The following ADAMTS10 variants were observed in gnomAD, a reference collection of about 807,000 sequenced individuals.
ADAMTS10 encodes A disintegrin and metalloproteinase with thrombospondin motifs 10.
In ADAMTS10, 48 loss-of-function variants were observed where a neutral mutation model predicts 135.9. The observed-to-expected ratio is 0.35, with a 90% confidence interval of 0.28 to 0.45. The LOEUF (loss-of-function observed/expected upper bound fraction) is 0.45. ADAMTS10 is among the 20% of genes least tolerant of loss of function. The probability of loss-of-function intolerance (pLI) is 1.00; values close to 1 mark genes in which losing one functional copy is unlikely to be tolerated. For missense variants in ADAMTS10, 1,131 were observed against 1,565.2 expected, an observed-to-expected ratio of 0.72 and a Z score of 4.68; for synonymous variants, 621 against 647.5, an observed-to-expected ratio of 0.96 and a Z score of 0.62.
At chr19:8,595,252 C>T (rs2042588549) in intron 12 of ADAMTS10, among the ~76,000 whole-genome samples, 2 of 152,076 alleles carry the variant, frequency 1.3e-5, no homozygotes, top group African/African-American at 2.4e-5. Context: ...TCTCTATGCA[C>T]GAATGGGGCT....
intron 16 of ADAMTS10, 49 bp from the exon 17 acceptor site, chr19:8,589,634 CT>C (rs782608811): frequency 1.6e-5 from 26 of 1,610,214 alleles, no homozygotes; most frequent in Non-Finnish European, 2.1e-5. Flanking sequence ...CCCCGGAACT[CT>C]TTGCTTGCTC....
In ADAMTS10 at chr19:8,596,631, A is replaced by G. The variant is rs782253942; in HGVS notation, c.1041-46T>C. The G allele has an allele frequency of 3.1e-6, 5 of 1,604,814 alleles. No homozygotes were observed. Among genetic ancestry groups the G allele is most frequent in the Non-Finnish European group, 4.3e-6 (5 of 1,175,244 alleles). On this transcript the variant is annotated intron_variant, in intron 8 of 25. Transcript: ENST00000597188. This position sits in a 1 kb window ranked among gnomAD's most constrained non-coding sequence, Gnocchi z 7.2. ...AGTGAGGGGGCTGGGCTGTCTCCCT[A>G]AGCCCTGCTGATGCCACCATGCCCA...
chr19:8,590,075 G>A, intron 15 of ADAMTS10, 84 bp from the exon 16 acceptor site: 2 of 976,798 alleles, frequency 2.0e-6, no homozygotes. Flanking sequence ...AAGATGGGCT[G>A]GAGGAGGGAG....
intron 25 of ADAMTS10, 51 bp from the exon 26 acceptor site, chr19:8,581,053 G>A (rs782548229): frequency 1.5e-6 from 2 of 1,361,760 alleles, no homozygotes; most frequent in Non-Finnish European, 1.0e-6. Context: ...TGCCCTCCCC[G>A]CAGGGCTGCA....
rs556237359 is a variant in ADAMTS10 at position 8,591,856 on chromosome 19, T to C, written c.1741A>G (p.Ile581Val). 2.5e-6 allele frequency: 4 copies of C among 1,613,500 alleles called. No individual in the cohort carries two copies. The South Asian group carries it at 4.4e-5, about 18-fold the overall frequency. ...TCACCCAGACAGTACTTGCCCCCGA[T>C]GGTTGGCCTGGAAAGGGTGGTGGGA... is the stretch of plus-strand genomic sequence containing the variant. ...SRHCDSPRPT[I>V]GGKYCLGERR... The change falls in exon 15 of 26, where the codon ATC becomes GTC. Residue 581 changes from isoleucine (I) to valine (V), a missense_variant. Ile to Val is a conservative substitution (Grantham distance 29). Around this residue, in one of 3 missense-constraint regions of ADAMTS10, gnomAD observed 745 missense variants for 1,056.3 expected, o/e 0.71. Coordinates refer to ENST00000597188, the MANE Select transcript of ADAMTS10 (RefSeq NM_030957.4).
In ADAMTS10 at chr19:8,580,656, G is replaced by T. The variant is rs2042331302; in HGVS notation, c.*237C>A. ...TCCCCTCCCCAGACCCACCCTGGAG[G>T]GGGGGTCTCACTATGTGAACTGGAA... On this transcript the variant is annotated 3_prime_UTR_variant, in exon 26 of 26. Coordinates refer to ENST00000597188, the MANE Select transcript of ADAMTS10 (RefSeq NM_030957.4). The T allele has an allele frequency of 5.8e-6, 3 of 520,608 alleles. No individual in the cohort carries two copies. The highest frequency in any genetic ancestry group is 2.0e-5 in the South Asian group (1 of 49,694). 32.2% of individuals were successfully genotyped at this position (520,608 alleles called of 1,614,324 possible).
chr19:8,593,234 T>G (rs1201741368), intron 12 of ADAMTS10: 8 of 283,640 alleles, frequency 2.8e-5, no homozygotes, highest in Non-Finnish European at 4.8e-5. Context: ...TCTAACGAAC[T>G]TTGCAATTCA....
At chr19:8,610,430 C>CACACAT (rs2042768554) in intron 1 of ADAMTS10, among the ~76,000 whole-genome samples, 4 of 151,204 alleles carry the variant, frequency 2.6e-5, no homozygotes, top group South Asian at 2.1e-4. Flanking sequence ...CGGACACACA[C>CACACAT]ACACACACAC....
intron 12 of ADAMTS10, among the ~76,000 whole-genome samples, chr19:8,595,427 T>C (rs1172928743): frequency 6.6e-6 from 1 of 152,174 alleles, no homozygotes; most frequent in Non-Finnish European, 1.5e-5. Context: ...AGTTAAAAAC[T>C]GCCCCGTGAG....
At position 8,601,281 on chromosome 19, in the gene ADAMTS10, T is replaced by C; in HGVS notation, c.593-136A>G. 2.1e-6 allele frequency: 2 copies of C among 965,024 alleles called. No individual in the cohort carries two copies. Among genetic ancestry groups the C allele is most frequent in the Non-Finnish European group, 3.2e-6 (2 of 629,776 alleles). The allele number at this position is 965,024 out of a possible 1,614,324, so 59.8% of individuals were successfully genotyped here. On this transcript the variant is annotated intron_variant, in intron 5 of 25. Coordinates refer to ENST00000597188, the MANE Select transcript of ADAMTS10 (RefSeq NM_030957.4). This position sits in a 1 kb window ranked among gnomAD's most constrained non-coding sequence, Gnocchi z 4.6. ...GACAGACAATTTCTGGTCATTCTGC[T>C]GCCTTCTCTTGTTGTCCAGCTACCT... is the stretch of plus-strand genomic sequence containing the variant.
At chr19:8,592,614 C>T in intron 13 of ADAMTS10, 149 bp downstream of exon 13, 2 of 803,686 alleles carry the variant, frequency 2.5e-6, no homozygotes, top group Non-Finnish European at 4.0e-6. Context: ...AAGCAGTAGG[C>T]GTGGCCACAG....
Position 8,585,263 on chromosome 19 carries a change from A to G in ADAMTS10, c.2911T>C (p.Cys971Arg). Residue 971 changes from cysteine (C) to arginine (R), a missense_variant, in exon 24 of 26, where the codon TGC (cysteine) becomes CGC (arginine). Physicochemically the swap from Cys to Arg is radical, Grantham distance 180. Transcript: ENST00000597188. ...GTGGCGCGGTGGTCTGCGCTCTTGC[A>G]AAGGACCACGCGGTGGCGGAGGCCC... ...GPGLRHRVVL[C>R]KSADHRATLP... is the part of the protein sequence containing the mutation. The G allele has an allele frequency of 6.7e-7, 1 of 1,499,174 alleles. No homozygotes were observed. 92.9% of individuals were successfully genotyped at this position (1,499,174 alleles called of 1,614,324 possible).
At chr19:8,591,440 TTG>T (rs1440392557) in intron 15 of ADAMTS10, among the ~76,000 whole-genome samples, 78 of 138,532 alleles carry the variant, frequency 5.6e-4, no homozygotes, top group African/African-American at 2.1e-3. Context: ...GATAGCGTTT[TTG>T]TTTTTTTTTT....
chr19:8,589,566 C>T lies in ADAMTS10; in HGVS notation c.1920G>A (p.Ser640=), dbSNP rs142602984. 4.9e-5 allele frequency: 79 copies of T among 1,613,402 alleles called. No individual in the cohort carries two copies. The African/African-American group carries it at 9.3e-4, about 19-fold the overall frequency. The change falls in exon 17 of 26, where the codon TCG becomes TCA. Residue 640 remains serine (S), a synonymous_variant. Transcript: ENST00000597188. ...TGAAGCCTTCCGCTAGGCACGTGAG[C>T]GAGCAGGCCTTCACGCCCCCTGGGG... ...TYRGGGVKAC[S]LTCLAEGFNF...
In ADAMTS10 at chr19:8,603,881, C is replaced by T. The variant is rs1279202450; in HGVS notation, c.439G>A (p.Gly147Ser). The T allele has an allele frequency of 4.4e-6, 7 of 1,606,918 alleles. No individual in the cohort carries two copies. Among genetic ancestry groups the T allele is most frequent in the East Asian group, 2.2e-5 (1 of 44,736 alleles). ...TCTTCCTCGTCTGCCACGATCAGGC[C>T]GTGCTGGGTTTTGAGAAGTGGGATA... ...VAISTCGGLH[G>S]LIVADEEEYL... The change falls in exon 5 of 26, where the codon GGC (glycine) becomes AGC (serine). Residue 147 changes from glycine to serine, a missense_variant. Around this residue, in one of 3 missense-constraint regions of ADAMTS10, gnomAD observed 306 missense variants for 344.4 expected, o/e 0.89. Coordinates refer to ENST00000597188, the MANE Select transcript of ADAMTS10 (RefSeq NM_030957.4).
At chr19:8,603,066 A>G (rs2042683463) in intron 5 of ADAMTS10, among the ~76,000 whole-genome samples, 1 of 152,172 alleles carries the variant, frequency 6.6e-6, no homozygotes, top group Admixed American at 6.6e-5. Context: ...TTTTGGCTGT[A>G]TAACTGCTGG....
Position 8,585,175 on chromosome 19 carries a change from C to T in ADAMTS10, c.2999G>A (p.Arg1000His). 1.4e-6 allele frequency: 2 copies of T among 1,412,452 alleles called. No individual in the cohort carries two copies. The highest frequency in any genetic ancestry group is 2.7e-5 in the East Asian group (1 of 36,740). 87.5% of individuals were successfully genotyped at this position (1,412,452 alleles called of 1,614,324 possible). Residue 1000 changes from arginine (R) to histidine (H), a missense_variant, in exon 24 of 26, where the codon CGC (arginine) becomes CAC (histidine). Physicochemically the swap from Arg to His is conservative, Grantham distance 29 (BLOSUM62 0). This residue lies in a region of ADAMTS10 where 745 missense variants were observed against 1,056.3 expected (regional missense o/e 0.71). Transcript: ENST00000597188. The stretch of plus-strand genomic sequence containing the variant: ...CACCCAGCGGGCCGGGGGGCAGCGG[C>T]GCAAGTTGCAGCGCATGGTGGCCGG... ...KPPATMRCNLRRCPPARWVAG... is the reference protein window; with the variant it reads ...KPPATMRCNLHRCPPARWVAG...
At chr19:8,598,432 G>A (rs1555740718) in intron 6 of ADAMTS10, among the ~76,000 whole-genome samples, 2 of 152,054 alleles carry the variant, frequency 1.3e-5, no homozygotes, top group Non-Finnish European at 2.9e-5. Flanking sequence ...GTGAGGGCAG[G>A]AGGCTCTGGA....
At position 8,589,335 on chromosome 19, in the gene ADAMTS10, C is replaced by G; in HGVS notation, c.2065G>C (p.Asp689His). The change falls in exon 18 of 26, where the codon GAC becomes CAC. Residue 689 changes from aspartate to histidine, a missense_variant. This residue lies in a region of ADAMTS10 where 745 missense variants were observed against 1,056.3 expected (regional missense o/e 0.71). Transcript: ENST00000597188. Reference protein sequence around the residue: ...HVGCDRVLGSDLREDKCRVCG... With the variant: ...HVGCDRVLGSHLREDKCRVCG... ...ACTCGGCACTTGTCCTCCCGCAGGT[C>G]GGAGCCCAGGACTCGGTCGCAGCCC... 1 of 1,612,494 alleles carries G rather than the reference C, an allele frequency of 6.2e-7. No individual in the cohort carries two copies. The highest frequency in any genetic ancestry group is 8.5e-7 in the Non-Finnish European group (1 of 1,179,960).
Sources: gnomAD v4.1 joint callset for allele counts (sites outside exome capture counted in the v4.1 genomes callset) on GRCh38, gnomAD v4.1.1 for gene constraint, gnomAD v4.1.1 regional missense constraint, Gnocchi (gnomAD v3.1) non-coding constraint, MANE v1.5 for transcripts, NCBI Gene and HGNC (gene_info 2026-07-23, HGNC 2026-07-21) for gene names.